The following UBE2R2 variants were observed in gnomAD, a reference collection of about 807,000 sequenced individuals.
The protein encoded by UBE2R2 is ubiquitin-conjugating enzyme E2 R2.
A neutral mutation model predicts 27.8 loss-of-function variants in UBE2R2; 1 was observed. The ratio of observed to expected loss-of-function variants is 0.04; its 90% confidence interval spans 0.01 to 0.17. UBE2R2 has a LOEUF of 0.17. Ranked by LOEUF, UBE2R2 falls within the 10% of genes least tolerant of loss-of-function variation. UBE2R2 has a pLI of 1.00. For synonymous variants in UBE2R2, 106 were observed against 113.3 expected (o/e 0.94, Z 0.41); for missense variants, 100 against 291.0 (o/e 0.34, Z 4.78).
At chr9:33,859,795 TGTGTGA>T (rs1348381230) in intron 1 of UBE2R2, among the ~76,000 whole-genome samples, 103 of 82,174 alleles carry the variant, frequency 1.3e-3, no homozygotes, top group Middle Eastern at 4.6e-3. Context: ...TGTGTGTGTG[TGTGTGA>T]GAGAGAGAGA....
intron 2 of UBE2R2, among the ~76,000 whole-genome samples, chr9:33,894,165 C>T (rs1347420375): frequency 6.6e-6 from 1 of 152,006 alleles, no homozygotes; most frequent in Non-Finnish European, 1.5e-5. Flanking sequence ...GGTGCAGTGG[C>T]TCACATCTGT....
upstream of UBE2R2, among the ~76,000 whole-genome samples, chr9:33,816,925 G>T (rs1825779062): frequency 6.6e-6 from 1 of 152,214 alleles, no homozygotes; most frequent in Non-Finnish European, 1.5e-5. Flanking sequence ...GCTGCTTCTG[G>T]GATCTTTATG....
intron 1 of UBE2R2, among the ~76,000 whole-genome samples, chr9:33,821,135 T>C (rs1164249269): frequency 6.6e-6 from 1 of 152,192 alleles, no homozygotes; most frequent in African/African-American, 2.4e-5. Flanking sequence ...AATGAAGACT[T>C]TTAACAAGTT....
At chr9:33,913,305 C>T (rs1465708427) in intron 4 of UBE2R2, among the ~76,000 whole-genome samples, 1 of 152,192 alleles carries the variant, frequency 6.6e-6, no homozygotes, top group Non-Finnish European at 1.5e-5. Flanking sequence ...ACTCTGTTGC[C>T]TGGGCTGGAG....
intron 1 of UBE2R2, among the ~76,000 whole-genome samples, chr9:33,834,113 A>C (rs1237169060): frequency 6.6e-6 from 1 of 151,480 alleles, no homozygotes; most frequent in African/African-American, 2.4e-5. Context: ...GGTAGACTCT[A>C]GAGTCCCACA....
intron 1 of UBE2R2, among the ~76,000 whole-genome samples, chr9:33,832,457 C>G (rs1450028903): frequency 6.6e-6 from 1 of 151,874 alleles, no homozygotes; most frequent in Non-Finnish European, 1.5e-5. Flanking sequence ...GAGATCGAGA[C>G]CATCCTGGCT....
intron 1 of UBE2R2, among the ~76,000 whole-genome samples, chr9:33,859,104 A>C (rs1350361195): frequency 6.6e-6 from 1 of 152,150 alleles, no homozygotes; most frequent in African/African-American, 2.4e-5. Context: ...GATTACAGAC[A>C]TGAGCCACCA....
chr9:33,914,732 G>A (rs1262148409), intron 4 of UBE2R2, among the ~76,000 whole-genome samples: 1 of 152,016 alleles, frequency 6.6e-6, no homozygotes, highest in African/African-American at 2.4e-5. Context: ...GGAGGCTGAA[G>A]GCAAGAGAAT....
At chr9:33,851,047 A>G (rs1820955896) in intron 1 of UBE2R2, among the ~76,000 whole-genome samples, 1 of 152,184 alleles carries the variant, frequency 6.6e-6, no homozygotes, top group African/African-American at 2.4e-5. Context: ...GCTTGTTGGT[A>G]TGCATATGTG....
chr9:33,892,092 G>T (rs543638219), intron 2 of UBE2R2, among the ~76,000 whole-genome samples: 1 of 152,248 alleles, frequency 6.6e-6, no homozygotes, highest in South Asian at 2.1e-4. Context: ...AATTTGATAG[G>T]AATTTGTCAT....
intron 1 of UBE2R2, among the ~76,000 whole-genome samples, chr9:33,820,222 A>C (rs1447549441): frequency 6.6e-6 from 1 of 152,240 alleles, no homozygotes; most frequent in African/African-American, 2.4e-5. Context: ...AATAGGAAGT[A>C]TGGAAGGATT....
intron 1 of UBE2R2, among the ~76,000 whole-genome samples, chr9:33,880,910 C>A (rs964361802): frequency 1.3e-5 from 2 of 152,176 alleles, no homozygotes; most frequent in African/African-American, 4.8e-5. Flanking sequence ...CACTACCCTT[C>A]CCACTCCTCC....
At chr9:33,906,374 G>A (rs951131461) in intron 3 of UBE2R2, among the ~76,000 whole-genome samples, 3 of 151,964 alleles carry the variant, frequency 2.0e-5, no homozygotes, top group African/African-American at 4.8e-5. Context: ...CGCCCACCTC[G>A]GCCTCCCAAA....
chr9:33,848,214 ATT>A (rs954041936), intron 1 of UBE2R2, among the ~76,000 whole-genome samples: 16 of 151,860 alleles, frequency 1.1e-4, no homozygotes, highest in African/African-American at 3.9e-4. Flanking sequence ...ATTTTGTGCA[ATT>A]TTTTCTTCTA....
Position 33,919,795 on chromosome 9 carries a change from A to G in UBE2R2, c.*2558A>G, listed in dbSNP as rs1421819125. The G allele has an allele frequency of 6.6e-6, 1 of 151,870 alleles. No homozygotes were observed. The highest frequency in any genetic ancestry group is 1.5e-5 in the Non-Finnish European group (1 of 67,954). 9.4% of individuals were successfully genotyped at this position (151,870 alleles called of 1,614,324 possible). ...GAACCATGTACGTACAGTTTTGCTT[A>G]TTATTTGATGTGACATGAACTCAAA... On this transcript the variant is annotated 3_prime_UTR_variant, in exon 5 of 5. Coordinates refer to ENST00000263228, the MANE Select transcript of UBE2R2 (RefSeq NM_017811.4).
chr9:33,918,398 T>C lies in UBE2R2; in HGVS notation c.*1161T>C, dbSNP rs1278569049. 6.6e-6 allele frequency: 1 copy of C among 151,972 alleles called. No individual in the cohort carries two copies. The highest frequency in any genetic ancestry group is 2.4e-5 in the African/African-American group (1 of 41,356). 9.4% of individuals were successfully genotyped at this position (151,972 alleles called of 1,614,324 possible). On this transcript the variant is annotated 3_prime_UTR_variant, in exon 5 of 5. Coordinates refer to ENST00000263228, the MANE Select transcript of UBE2R2 (RefSeq NM_017811.4). Reference sequence around the variant, plus strand: ...TCATTGGATGTGATCTGAACTTTTTTTCTCCTTTCAACATACTTAGGCTGT... The same window carrying C: ...TCATTGGATGTGATCTGAACTTTTTCTCTCCTTTCAACATACTTAGGCTGT...
At chr9:33,889,576 C>T (rs1480010788) in intron 2 of UBE2R2, among the ~76,000 whole-genome samples, 1 of 151,978 alleles carries the variant, frequency 6.6e-6, no homozygotes, top group African/African-American at 2.4e-5. Context: ...TAACAATGTC[C>T]CTGTCTAATA....
chr9:33,891,408 G>C (rs1003802668), intron 2 of UBE2R2, among the ~76,000 whole-genome samples: 1 of 151,944 alleles, frequency 6.6e-6, no homozygotes, highest in East Asian at 2.0e-4. Context: ...CACTTTGGGA[G>C]GCCGAGGTAG....
intron 1 of UBE2R2, among the ~76,000 whole-genome samples, chr9:33,862,075 G>A (rs1258052666): frequency 3.3e-5 from 5 of 151,652 alleles, no homozygotes; most frequent in Admixed American, 1.3e-4. Context: ...GGCTGATCTC[G>A]AACGCCTGAC....
Sources: gnomAD v4.1 joint callset for allele counts (sites outside exome capture counted in the v4.1 genomes callset) on GRCh38, gnomAD v4.1.1 for gene constraint, MANE v1.5 for transcripts, NCBI Gene and HGNC (gene_info 2026-07-23, HGNC 2026-07-21) for gene names.